Variants in BCAR3 observed in about 807,000 individuals in gnomAD.
BCAR3 encodes the protein BCAR3 adaptor protein, NSP family member.
BCAR3 carries 37 observed loss-of-function variants against 80.1 expected under a neutral mutation model. The observed-to-expected ratio is 0.46, with a 90% CI of 0.36 to 0.61. BCAR3 has a LOEUF of 0.61. Among genes scored for constraint, BCAR3 ranks in the 20% least tolerant of loss-of-function variants. BCAR3 has a pLI of 0.00. For synonymous variants in BCAR3, 389 were observed against 418.9 expected (o/e 0.93, Z 0.87); for missense variants, 978 against 1,068.2 (o/e 0.92, Z 1.18).
rs752960906 is a variant in BCAR3, at chr1:93,582,592, C to T, written c.1395G>A (p.Ala465=). The change falls in exon 7 of 12, where the codon GCG becomes GCA. Residue 465 remains alanine (A), a synonymous_variant. Transcript: ENST00000260502. ...TGACGCCAGAGTTCCGGGGACCTGG[C>T]GCCTCATTCTGCTTGGCTGTGAGCA... ...TELLTAKQNE[A]PGPRNSGVNY... is the part of the protein sequence containing the mutation. 62 of 1,613,476 alleles carry T rather than the reference C, an allele frequency of 3.8e-5. No individual in the cohort carries two copies. Among genetic ancestry groups the T allele is most frequent in the Non-Finnish European group, 4.8e-5 (57 of 1,179,850 alleles).
chr1:93,666,129 C>T (rs1025485644), intron 2 of BCAR3, among the ~76,000 whole-genome samples: 7 of 152,154 alleles, frequency 4.6e-5, no homozygotes, highest in Non-Finnish European at 1.0e-4. Flanking sequence ...AAAAACTGAT[C>T]GTGCCATTCC....
chr1:93,800,135 A>G (rs1051381465), intron 2 of BCAR3, among the ~76,000 whole-genome samples: 2 of 152,090 alleles, frequency 1.3e-5, no homozygotes, highest in Admixed American at 1.3e-4. Flanking sequence ...TTTTATTTCT[A>G]TTATCGCTTC....
intron 2 of BCAR3, among the ~76,000 whole-genome samples, chr1:93,764,365 AC>A (rs930071492): frequency 2.6e-5 from 4 of 151,316 alleles, no homozygotes; most frequent in African/African-American, 9.7e-5. Flanking sequence ...CATAGACCCA[AC>A]CCTTCCTCCA....
chr1:93,588,813 C>A (rs565543817), intron 5 of BCAR3, among the ~76,000 whole-genome samples, 164 bp downstream of exon 5: 1 of 152,324 alleles, frequency 6.6e-6, no homozygotes, highest in East Asian at 1.9e-4. Context: ...CACTGCTCAG[C>A]TGGGAGCTAA....
intron 2 of BCAR3, among the ~76,000 whole-genome samples, chr1:93,710,625 G>A (rs543072867): frequency 6.6e-6 from 1 of 152,172 alleles, no homozygotes; most frequent in East Asian, 1.9e-4. Flanking sequence ...CTGAACTCCT[G>A]TCGCATTGGT....
At chr1:93,572,807 G>T (rs964897592) in intron 8 of BCAR3, among the ~76,000 whole-genome samples, 1 of 152,178 alleles carries the variant, frequency 6.6e-6, no homozygotes, top group Admixed American at 6.5e-5. Flanking sequence ...CTGAACGTTC[G>T]GAGCTTACGA....
chr1:93,819,153 G>C (rs1054208622), intron 2 of BCAR3, among the ~76,000 whole-genome samples: 2 of 150,306 alleles, frequency 1.3e-5, no homozygotes, highest in Non-Finnish European at 1.5e-5. Context: ...TGCAATCTCC[G>C]CCTCCCCGGT....
At chr1:93,644,368 T>C (rs1266729513) in intron 2 of BCAR3, among the ~76,000 whole-genome samples, 1 of 152,210 alleles carries the variant, frequency 6.6e-6, no homozygotes, top group Non-Finnish European at 1.5e-5. Flanking sequence ...TTCCTTTCTA[T>C]CAATCCCCAG....
chr1:93,817,796 C>A (rs556566026), intron 2 of BCAR3, among the ~76,000 whole-genome samples: 1 of 152,210 alleles, frequency 6.6e-6, no homozygotes, highest in East Asian at 1.9e-4. Context: ...GTTTACCCCC[C>A]CACATCCCTG....
At chr1:93,655,326 A>C (rs2101924331) in intron 2 of BCAR3, among the ~76,000 whole-genome samples, 1 of 152,328 alleles carries the variant, frequency 6.6e-6, no homozygotes, top group East Asian at 1.9e-4. Flanking sequence ...AGAAAGCCCA[A>C]AGAAGAGGAT....
intron 2 of BCAR3, among the ~76,000 whole-genome samples, chr1:93,739,719 A>G (rs2100694476): frequency 6.6e-6 from 1 of 152,324 alleles, no homozygotes; most frequent in South Asian, 2.1e-4. Flanking sequence ...GAATATGCCT[A>G]AAAAATGAGT....
intron 3 of BCAR3, among the ~76,000 whole-genome samples, chr1:93,641,324 C>T (rs1399878782): frequency 2.0e-5 from 3 of 152,158 alleles, no homozygotes; most frequent in Admixed American, 2.0e-4. Flanking sequence ...CACACAAAAG[C>T]GACATGCCTA....
At chr1:93,580,513 G>GA (rs60517686) in intron 7 of BCAR3, among the ~76,000 whole-genome samples, 2,773 of 123,068 alleles carry the variant, frequency 0.023, 44 homozygotes, top group African/African-American at 0.054. Flanking sequence ...AAATATTCAG[G>GA]AAAAAAAAAA....
At position 93,739,355 on chromosome 1, in the gene BCAR3, G is replaced by T. The variant is rs867820102; in HGVS notation, c.-62-33213C>A. ...GAATCAGTTAAGTGTTAATAGAAGG[G>T]GTGCCTAGATGTTCATATCTCCCAA... On this transcript the variant is annotated intron_variant, in intron 2 of 13. Transcript: ENST00000370244. Among the ~76,000 whole-genome samples, 3 of 151,656 alleles carry T rather than the reference G, an allele frequency of 2.0e-5. No homozygotes were observed. The South Asian group carries it at 6.3e-4, about 32-fold the overall frequency.
chr1:93,846,137 G>A (rs1013245510), intron 1 of BCAR3, among the ~76,000 whole-genome samples: 1 of 149,274 alleles, frequency 6.7e-6, no homozygotes, highest in African/African-American at 2.6e-5. Context: ...CCATAGCTTC[G>A]TCTTGGGGTT....
At chr1:93,569,505 A>G (rs868508498) in intron 9 of BCAR3, among the ~76,000 whole-genome samples, 2 of 152,256 alleles carry the variant, frequency 1.3e-5, no homozygotes, top group Non-Finnish European at 2.9e-5. Flanking sequence ...CCTTTCTGAA[A>G]GAAGCCTCTG....
intron 2 of BCAR3, among the ~76,000 whole-genome samples, chr1:93,812,592 C>G (rs991438179): frequency 2.0e-5 from 3 of 152,220 alleles, no homozygotes; most frequent in Non-Finnish European, 4.4e-5. Context: ...CCCAGCTCCT[C>G]TGAAACCCAG....
At chr1:93,761,619 C>A (rs1651949733) in intron 2 of BCAR3, among the ~76,000 whole-genome samples, 1 of 152,180 alleles carries the variant, frequency 6.6e-6, no homozygotes, top group Admixed American at 6.5e-5. Context: ...CCTGCAGTTA[C>A]TGTGTGCCCT....
chr1:93,594,275 T>G (rs1674332946), intron 3 of BCAR3: 1 of 152,362 alleles, frequency 6.6e-6, no homozygotes, highest in East Asian at 1.9e-4. Flanking sequence ...GTTATGGAGA[T>G]TCTCCCTTTC....
Sources: allele counts gnomAD v4.1 joint callset (sites outside exome capture counted in the v4.1 genomes callset), GRCh38; gene constraint gnomAD v4.1.1; transcripts MANE v1.5; gene names NCBI Gene and HGNC (gene_info 2026-07-23, HGNC 2026-07-21).